The following HDAC9 variants were observed in gnomAD, a reference collection of about 807,000 sequenced individuals.
HDAC9 encodes histone deacetylase 9, also known as MEF-2 interacting transcription repressor (MITR) protein.
HDAC9 carries 41 observed loss-of-function variants against 139.4 expected under a neutral mutation model. That is an observed-to-expected ratio of 0.29 (90% CI 0.23 to 0.38). The LOEUF (loss-of-function observed/expected upper bound fraction) is 0.38, where lower values mean the gene tolerates loss of function less well. Among genes scored for constraint, HDAC9 ranks in the 10% least tolerant of loss-of-function variants. The pLI is 1.00. For missense variants in HDAC9, 1,147 were observed against 1,297.0 expected, an observed-to-expected ratio of 0.88 and a Z score of 1.78; for synonymous variants, 517 against 476.2, an observed-to-expected ratio of 1.09 and a Z score of -1.12.
chr7:18,132,955 C>T (rs1301236549), intron 1 of HDAC9, among the ~76,000 whole-genome samples: 1 of 152,088 alleles, frequency 6.6e-6, no homozygotes, highest in Non-Finnish European at 1.5e-5. Context: ...CAAAATAACT[C>T]TCAGAATTAA....
At chr7:18,820,650 T>C (rs1423501093) in intron 17 of HDAC9, among the ~76,000 whole-genome samples, 1 of 151,992 alleles carries the variant, frequency 6.6e-6, no homozygotes, top group Non-Finnish European at 1.5e-5. Context: ...AAAGCTAGGG[T>C]AGTAGCTACT....
At chr7:18,319,043 C>T (rs1799848436) in intron 1 of HDAC9, among the ~76,000 whole-genome samples, 1 of 152,136 alleles carries the variant, frequency 6.6e-6, no homozygotes, top group African/African-American at 2.4e-5. Flanking sequence ...GTGACAAGCA[C>T]TGATACAAAC....
At position 18,591,754 on chromosome 7, in the gene HDAC9, G is replaced by A. The variant is rs373598229; in HGVS notation, c.542+112G>A. On this transcript the variant is annotated intron_variant, in intron 5 of 25. Coordinates refer to ENST00000686413, the MANE Select transcript of HDAC9 (RefSeq NM_178425.4). ...GCCATTTCTCAGCTGTCTGGCTGTG[G>A]GCAAGTTCCTTCAGTTCTCTAAGGA... 1,466 of 1,394,466 alleles carry A rather than the reference G, an allele frequency of 1.1e-3. 11 individuals carry two copies. The Middle Eastern group carries it at 0.025, about 24-fold the overall frequency. The allele number at this position is 1,394,466 out of a possible 1,614,324, so 86.4% of individuals were successfully genotyped here.
At position 18,131,886 on chromosome 7, in the gene HDAC9, G is replaced by A. The variant is rs563036212; in HGVS notation, c.-96-30343G>A. Reference sequence around the variant, plus strand: ...TATGGTTGGAATTATAGATAATTGGGAGTCAAAATTTAAGACACCTTCTTC... The same window carrying A: ...TATGGTTGGAATTATAGATAATTGGAAGTCAAAATTTAAGACACCTTCTTC... On this transcript the variant is annotated intron_variant, in intron 1 of 12. Coordinates refer to the HDAC9 transcript ENST00000417496. Among the ~76,000 whole-genome samples, 24 of 152,266 alleles carry A rather than the reference G, an allele frequency of 1.6e-4. No individual in the cohort carries two copies. In the South Asian group the frequency reaches 4.1e-3, roughly 26 times the overall value.
intron 21 of HDAC9, among the ~76,000 whole-genome samples, chr7:18,872,723 G>C (rs1292145866): frequency 6.6e-6 from 1 of 152,060 alleles, no homozygotes. Context: ...TACTTCAAAA[G>C]TATGCACCTA....
At chr7:18,701,320 G>A (rs1783455183) in intron 12 of HDAC9, among the ~76,000 whole-genome samples, 1 of 149,784 alleles carries the variant, frequency 6.7e-6, no homozygotes, top group Non-Finnish European at 1.5e-5. Flanking sequence ...TTTACAAACT[G>A]TAATCTGACA....
At chr7:18,401,278 G>T (rs924266318) in intron 1 of HDAC9, among the ~76,000 whole-genome samples, 2 of 152,174 alleles carry the variant, frequency 1.3e-5, no homozygotes, top group Non-Finnish European at 2.9e-5. Context: ...CTCAAGGAAA[G>T]GTCAGCTCCT....
intron 1 of HDAC9, among the ~76,000 whole-genome samples, chr7:18,363,661 A>G (rs772061656): frequency 6.6e-6 from 1 of 152,134 alleles, no homozygotes; most frequent in African/African-American, 2.4e-5. Flanking sequence ...TTCTGTTTCT[A>G]ATTTGCCCCT....
rs189364983 is a variant in HDAC9, at chr7:18,432,775, G to A, written c.-41-63487G>A. Among the ~76,000 whole-genome samples, 322 of 152,086 alleles carry A rather than the reference G, an allele frequency of 2.1e-3. 2 individuals carry two copies. The highest frequency in any genetic ancestry group is 6.9e-3 in the African/African-American group (286 of 41,490). ...ATCCTGGCTAACATGGTGAAACCCCGTCTCTACTAAACAAAAATACAAAAA... is the reference window on the plus strand; with the variant it reads ...ATCCTGGCTAACATGGTGAAACCCCATCTCTACTAAACAAAAATACAAAAA... On this transcript the variant is annotated intron_variant, in intron 1 of 3. Transcript: ENST00000413509.
chr7:18,937,196 C>T (rs548896509), intron 23 of HDAC9, among the ~76,000 whole-genome samples: 12 of 151,828 alleles, frequency 7.9e-5, no homozygotes, highest in Non-Finnish European at 1.5e-4. Context: ...TGCACCATCA[C>T]GCCCAGCTAA....
intron 1 of HDAC9, among the ~76,000 whole-genome samples, chr7:18,140,394 T>G (rs1785813843): frequency 6.6e-6 from 1 of 152,166 alleles, no homozygotes; most frequent in African/African-American, 2.4e-5. Context: ...GGTTTTCTCT[T>G]TGAGCCCACA....
intron 24 of HDAC9, among the ~76,000 whole-genome samples, chr7:18,957,704 A>G (rs1254302681): frequency 1.3e-5 from 2 of 152,176 alleles, no homozygotes; most frequent in East Asian, 3.9e-4. Flanking sequence ...CTGCACAGGT[A>G]ACCCATTATG....
At chr7:18,650,867 T>C (rs1789007182) in intron 11 of HDAC9, among the ~76,000 whole-genome samples, 1 of 152,180 alleles carries the variant, frequency 6.6e-6, no homozygotes, top group South Asian at 2.1e-4. Flanking sequence ...TTTAGATGAC[T>C]CAAGCAGGTC....
intron 1 of HDAC9, among the ~76,000 whole-genome samples, chr7:18,387,883 A>T (rs1171556447): frequency 1.3e-5 from 2 of 152,128 alleles, no homozygotes; most frequent in African/African-American, 2.4e-5. Flanking sequence ...TGTGAAAAAC[A>T]TCTTAACATT....
At chr7:18,270,008 T>G (rs1796253478) in intron 2 of HDAC9, among the ~76,000 whole-genome samples, 1 of 152,106 alleles carries the variant, frequency 6.6e-6, no homozygotes, top group African/African-American at 2.4e-5. Context: ...TTCTTTGTTG[T>G]AGGGGCCTGT....
intron 2 of HDAC9, among the ~76,000 whole-genome samples, chr7:18,269,429 C>G (rs373469128): frequency 1.3e-5 from 2 of 152,006 alleles, no homozygotes; most frequent in African/African-American, 4.8e-5. Context: ...ATCCTAAAGT[C>G]TAAAGGTTTA....
chr7:18,742,301 T>A (rs1787534123), intron 13 of HDAC9, among the ~76,000 whole-genome samples: 1 of 152,164 alleles, frequency 6.6e-6, no homozygotes, highest in Non-Finnish European at 1.5e-5. Context: ...CAGTAACTAC[T>A]ACCCTGATCA....
chr7:18,093,181 A>G (rs1436430966), intron 1 of HDAC9, among the ~76,000 whole-genome samples: 1 of 152,130 alleles, frequency 6.6e-6, no homozygotes, highest in East Asian at 1.9e-4. Flanking sequence ...TTTAGTTTAT[A>G]TTTCCCTAGT....
chr7:18,533,467 A>G (rs1174304397), intron 2 of HDAC9, among the ~76,000 whole-genome samples: 8 of 152,056 alleles, frequency 5.3e-5, no homozygotes, highest in South Asian at 2.1e-4. Flanking sequence ...TCATTTTTCT[A>G]TCTTTTTCAA....
Sources: gnomAD v4.1 joint callset for allele counts (sites outside exome capture counted in the v4.1 genomes callset) on GRCh38, gnomAD v4.1.1 for gene constraint, MANE v1.5 for transcripts, NCBI Gene and HGNC (gene_info 2026-07-23, HGNC 2026-07-21) for gene names.